NR2F1-AS1: variants seen among roughly 807,000 people sequenced by gnomAD.
NR2F1-AS1 encodes the protein NR2F1 antisense RNA 1.
upstream of NR2F1-AS1, chr5:93,584,682 C>T (rs1580357865): frequency 1.0e-5 from 1 of 99,886 alleles, no homozygotes; most frequent in African/African-American, 3.9e-5. Context: ...GGGGAGCGGG[C>T]GAGGGGAGCA....
chr5:93,470,949 C>T (rs958092654), intron 4 of NR2F1-AS1, among the ~76,000 whole-genome samples: 10 of 151,894 alleles, frequency 6.6e-5, no homozygotes, highest in African/African-American at 2.2e-4. Context: ...GAACTTATAA[C>T]ACATACAAAA....
intron 4 of NR2F1-AS1, among the ~76,000 whole-genome samples, chr5:93,428,090 T>C (rs989195165): frequency 4.6e-5 from 7 of 152,240 alleles, no homozygotes; most frequent in African/African-American, 1.7e-4. Flanking sequence ...AATCAAATAA[T>C]TGCCTAAATC....
intron 4 of NR2F1-AS1, chr5:93,544,047 T>C (rs1027707237): frequency 2.0e-5 from 3 of 151,452 alleles, no homozygotes; most frequent in Non-Finnish European, 4.4e-5. Context: ...AAAAGAGAAA[T>C]GGGAAAGGAG....
chr5:93,523,913 A>C (rs1454637787), intron 4 of NR2F1-AS1, among the ~76,000 whole-genome samples: 1 of 152,190 alleles, frequency 6.6e-6, no homozygotes, highest in African/African-American at 2.4e-5. Flanking sequence ...CAGTGCAAAA[A>C]GGCTGAAAAT....
At chr5:93,541,410 G>A (rs1751947581) in intron 4 of NR2F1-AS1, among the ~76,000 whole-genome samples, 1 of 152,116 alleles carries the variant, frequency 6.6e-6, no homozygotes, top group Non-Finnish European at 1.5e-5. Context: ...CTCCCTCAAT[G>A]GAAATCAATA....
At chr5:93,517,433 T>A (rs2149893664) in intron 4 of NR2F1-AS1, among the ~76,000 whole-genome samples, 1 of 152,172 alleles carries the variant, frequency 6.6e-6, no homozygotes, top group East Asian at 1.9e-4. Context: ...ATCAAAACTT[T>A]TTTTTAATTT....
intron 4 of NR2F1-AS1, among the ~76,000 whole-genome samples, chr5:93,437,958 T>C (rs967558535): frequency 1.1e-4 from 16 of 152,186 alleles, no homozygotes; most frequent in African/African-American, 3.6e-4. Flanking sequence ...TAATTGTCCA[T>C]GGTGTTTTTA....
intron 4 of NR2F1-AS1, among the ~76,000 whole-genome samples, chr5:93,525,413 G>A (rs915351378): frequency 1.3e-5 from 2 of 152,090 alleles, no homozygotes; most frequent in Non-Finnish European, 2.9e-5. Flanking sequence ...ATAATAGCGG[G>A]GGACTTTAAC....
chr5:93,438,774 CAA>C (rs1749497142), intron 4 of NR2F1-AS1: 1 of 152,140 alleles, frequency 6.6e-6, no homozygotes, highest in African/African-American at 2.4e-5. Flanking sequence ...GAGGAGAAAA[CAA>C]GAGATTAGTC....
upstream of NR2F1-AS1, among the ~76,000 whole-genome samples, chr5:93,582,797 T>C (rs1429948231): frequency 6.6e-6 from 1 of 152,166 alleles, no homozygotes; most frequent in Non-Finnish European, 1.5e-5. Context: ...TGTGTGTGTG[T>C]GTGTGACCAT....
intron 4 of NR2F1-AS1, chr5:93,411,217 A>T (rs944208850): frequency 6.6e-6 from 1 of 152,232 alleles, no homozygotes; most frequent in African/African-American, 2.4e-5. Context: ...GCAAGTTTCA[A>T]TTCACATTAA....
chr5:93,451,407 A>C (rs556564586), intron 4 of NR2F1-AS1, among the ~76,000 whole-genome samples: 15 of 151,418 alleles, frequency 9.9e-5, no homozygotes, highest in Admixed American at 7.3e-4. Flanking sequence ...TTATGACTTT[A>C]ACATTTATTT....
rs539342582 is a variant in NR2F1-AS1, at chr5:93,442,566, C to A, written n.639-47024G>T. Reference sequence around the variant, plus strand: ...GGAAGCTCAAACTGGGTGGAGCCCACCACAGCTCAAGGAGGCCTGCCTGCC... The same window carrying A: ...GGAAGCTCAAACTGGGTGGAGCCCAACACAGCTCAAGGAGGCCTGCCTGCC... On this transcript the variant is annotated intron_variant and non_coding_transcript_variant, in intron 4 of 5. Coordinates refer to ENST00000660523, the Ensembl canonical transcript of NR2F1-AS1. Among the ~76,000 whole-genome samples, 27 of 152,294 alleles carry A rather than the reference C, an allele frequency of 1.8e-4. No individual in the cohort carries two copies. In the East Asian group the frequency reaches 5.2e-3, roughly 29 times the overall value.
chr5:93,483,685 G>A (rs182354013), intron 4 of NR2F1-AS1, among the ~76,000 whole-genome samples: 254 of 152,166 alleles, frequency 1.7e-3, no homozygotes, highest in African/African-American at 5.9e-3. Flanking sequence ...CCCAATGCAA[G>A]GAAGCTAAGA....
chr5:93,497,249 G>A (rs1750980531), intron 4 of NR2F1-AS1, among the ~76,000 whole-genome samples: 6 of 152,262 alleles, frequency 3.9e-5, no homozygotes, highest in East Asian at 3.9e-4. Flanking sequence ...TGAAGAATGC[G>A]GAAGCAGGAA....
intron 4 of NR2F1-AS1, among the ~76,000 whole-genome samples, chr5:93,468,200 T>C (rs1467865491): frequency 6.6e-6 from 1 of 152,216 alleles, no homozygotes; most frequent in Non-Finnish European, 1.5e-5. Flanking sequence ...AAATGGTATT[T>C]CTAGTTCTAG....
At chr5:93,525,446 G>T (rs901172050) in intron 4 of NR2F1-AS1, among the ~76,000 whole-genome samples, 8 of 152,092 alleles carry the variant, frequency 5.3e-5, no homozygotes, top group Non-Finnish European at 1.0e-4. Context: ...ATATTAGACG[G>T]ATCAACAAGA....
At chr5:93,431,736 G>A (rs943026951) in intron 4 of NR2F1-AS1, among the ~76,000 whole-genome samples, 14 of 152,248 alleles carry the variant, frequency 9.2e-5, no homozygotes, top group Middle Eastern at 3.4e-3. Context: ...TTTTGAAGAC[G>A]AAAAACACAT....
chr5:93,559,895 T>G (rs1285740012), intron 2 of NR2F1-AS1, among the ~76,000 whole-genome samples: 1 of 152,188 alleles, frequency 6.6e-6, no homozygotes, highest in Non-Finnish European at 1.5e-5. Flanking sequence ...AGTGTGAGAT[T>G]TACAAATTAT....
Sources: allele counts gnomAD v4.1 joint callset (sites outside exome capture counted in the v4.1 genomes callset), GRCh38; gene constraint gnomAD v4.1.1; transcripts MANE v1.5; gene names NCBI Gene and HGNC (gene_info 2026-07-23, HGNC 2026-07-21).